KHDRBS2: variants seen among roughly 807,000 people sequenced by gnomAD.
The protein encoded by KHDRBS2 is KH RNA binding domain containing, signal transduction associated 2, also known as KH domain-containing, RNA-binding, signal transduction-associated protein 2.
In KHDRBS2, 26 loss-of-function variants were observed where a neutral mutation model predicts 44.3. The ratio of observed to expected loss-of-function variants is 0.59; its 90% CI spans 0.43 to 0.81. The LOEUF (loss-of-function observed/expected upper bound fraction) is 0.81, where lower values mean the gene tolerates loss of function less well. KHDRBS2 is among the 40% of genes least tolerant of loss of function. KHDRBS2 has a pLI of 0.00. For synonymous variants in KHDRBS2, 194 were observed against 151.1 expected (o/e 1.28, Z -2.08); for missense variants, 476 against 433.1 (o/e 1.10, Z -0.88).
chr6:61,563,362 A>T, the KHDRBS2 span, among the ~76,000 whole-genome samples: 9 of 152,236 alleles, frequency 5.9e-5, no homozygotes, highest in South Asian at 1.7e-3. Flanking sequence ...ATCACATCTT[A>T]TCTATACTCC....
chr6:61,774,964 C>G (rs565411994), intron 6 of KHDRBS2, among the ~76,000 whole-genome samples: 1 of 152,146 alleles, frequency 6.6e-6, no homozygotes, highest in African/African-American at 2.4e-5. Context: ...GGCTTCAACC[C>G]CGGGATGCAA....
the KHDRBS2 span, among the ~76,000 whole-genome samples, chr6:61,598,837 CT>C: frequency 0.018 from 1,147 of 65,486 alleles, 5 homozygotes; most frequent in African/African-American, 0.039. Flanking sequence ...TTTTTCTTTT[CT>C]TTTTTTTTTT....
chr6:62,016,080 C>A (rs1781150393), intron 3 of KHDRBS2, among the ~76,000 whole-genome samples: 2 of 152,098 alleles, frequency 1.3e-5, no homozygotes, highest in Non-Finnish European at 2.9e-5. Context: ...ATTATGAAAA[C>A]TAAAGAGTCC....
chr6:62,073,273 TTCAG>T (rs1036252197), intron 2 of KHDRBS2, among the ~76,000 whole-genome samples: 1 of 151,936 alleles, frequency 6.6e-6, no homozygotes, highest in East Asian at 1.9e-4. Flanking sequence ...CTATTTTTTC[TTCAG>T]TCAGTTTTGA....
intron 3 of KHDRBS2, among the ~76,000 whole-genome samples, chr6:62,043,281 A>T (rs1254472689): frequency 6.6e-6 from 1 of 152,116 alleles, no homozygotes; most frequent in Non-Finnish European, 1.5e-5. Flanking sequence ...AGTTACCCTG[A>T]ACATTGCTCA....
chr6:61,890,538 C>G (rs954344648), intron 6 of KHDRBS2, among the ~76,000 whole-genome samples: 3 of 152,158 alleles, frequency 2.0e-5, no homozygotes, highest in African/African-American at 7.2e-5. Context: ...ACAATGCTAA[C>G]TACTATTACC....
intron 1 of KHDRBS2, among the ~76,000 whole-genome samples, chr6:62,240,438 T>A (rs916688611): frequency 3.3e-5 from 5 of 151,596 alleles, no homozygotes; most frequent in African/African-American, 1.2e-4. Flanking sequence ...GGGTACTGGG[T>A]ATGTTTGTTG....
At chr6:62,188,629 A>G (rs1823948201) in intron 1 of KHDRBS2, among the ~76,000 whole-genome samples, 1 of 152,170 alleles carries the variant, frequency 6.6e-6, no homozygotes, top group African/African-American at 2.4e-5. Flanking sequence ...TCTGGGGTAG[A>G]GTTTTCAAGG....
the KHDRBS2 span, among the ~76,000 whole-genome samples, chr6:61,645,136 T>C: frequency 1.3e-5 from 2 of 152,126 alleles, no homozygotes; most frequent in East Asian, 1.9e-4. Flanking sequence ...TATGCAGCCA[T>C]AAAAAATGAG....
chr6:61,905,839 T>C (rs1276716583), intron 4 of KHDRBS2, among the ~76,000 whole-genome samples: 1 of 148,784 alleles, frequency 6.7e-6, no homozygotes, highest in East Asian at 2.0e-4. Context: ...AAAAAAAATA[T>C]GGAACAAAAC....
At chr6:61,608,478 G>A in the KHDRBS2 span, among the ~76,000 whole-genome samples, 1 of 151,688 alleles carries the variant, frequency 6.6e-6, no homozygotes, top group Non-Finnish European at 1.5e-5. Flanking sequence ...TGGGATAAAT[G>A]TGCAGAACAT....
At chr6:62,027,707 T>C (rs1359075035) in intron 3 of KHDRBS2, among the ~76,000 whole-genome samples, 1 of 152,102 alleles carries the variant, frequency 6.6e-6, no homozygotes, top group African/African-American at 2.4e-5. Flanking sequence ...GCAGCCGCCA[T>C]AATAACCCAA....
intron 2 of KHDRBS2, among the ~76,000 whole-genome samples, chr6:62,113,666 T>A (rs1317997014): frequency 6.6e-6 from 1 of 152,158 alleles, no homozygotes; most frequent in Non-Finnish European, 1.5e-5. Context: ...GAGGCTTTTT[T>A]AAATGTGTAA....
intron 1 of KHDRBS2, among the ~76,000 whole-genome samples, chr6:62,195,499 T>C (rs1246790812): frequency 6.6e-6 from 1 of 152,158 alleles, no homozygotes; most frequent in East Asian, 1.9e-4. Context: ...AGAAATTTCT[T>C]AGTCAACAAA....
intron 2 of KHDRBS2, among the ~76,000 whole-genome samples, chr6:62,088,404 G>T (rs889493948): frequency 6.6e-6 from 1 of 152,144 alleles, no homozygotes; most frequent in Non-Finnish European, 1.5e-5. Context: ...TCTTTTCGTT[G>T]ATGGTGATGC....
At chr6:61,800,042 G>A (rs1356421335) in intron 6 of KHDRBS2, among the ~76,000 whole-genome samples, 1 of 151,938 alleles carries the variant, frequency 6.6e-6, no homozygotes, top group Non-Finnish European at 1.5e-5. Flanking sequence ...TCTATAATAT[G>A]CCTATAAGTA....
chr6:61,960,578 A>G (rs2127392929), intron 4 of KHDRBS2, among the ~76,000 whole-genome samples: 1 of 152,272 alleles, frequency 6.6e-6, no homozygotes, highest in South Asian at 2.1e-4. Flanking sequence ...ACTAGCTTAT[A>G]GGGATGGGTT....
rs538535964 is a variant in KHDRBS2, at chr6:61,873,443, T to C, written c.810+21192A>G. Among the ~76,000 whole-genome samples, 4 of 151,984 alleles carry C rather than the reference T, an allele frequency of 2.6e-5. No homozygotes were observed. The South Asian group carries it at 8.3e-4, about 32-fold the overall frequency. On this transcript the variant is annotated intron_variant, in intron 6 of 8. Coordinates refer to ENST00000281156, the MANE Select transcript of KHDRBS2 (RefSeq NM_152688.4). ...ATAAAAATGTTAATTAAAACAATAATAACATTTTATTTCATACTTGATTAG... is the reference window on the plus strand; with the variant it reads ...ATAAAAATGTTAATTAAAACAATAACAACATTTTATTTCATACTTGATTAG...
chr6:62,089,116 G>A (rs894351211), intron 2 of KHDRBS2, among the ~76,000 whole-genome samples: 8 of 152,072 alleles, frequency 5.3e-5, no homozygotes, highest in African/African-American at 1.9e-4. Flanking sequence ...TGCTGTGCTG[G>A]CAGCAATAAT....
Sources: gnomAD v4.1 joint callset for allele counts (sites outside exome capture counted in the v4.1 genomes callset) on GRCh38, gnomAD v4.1.1 for gene constraint, MANE v1.5 for transcripts, NCBI Gene and HGNC (gene_info 2026-07-23, HGNC 2026-07-21) for gene names.